EXOC4: variants seen among roughly 807,000 people sequenced by gnomAD.
The protein encoded by EXOC4 is exocyst complex component 4.
EXOC4 carries 71 observed loss-of-function variants against 107.2 expected under a neutral mutation model. That is an observed-to-expected ratio of 0.66 (90% CI 0.55 to 0.81). EXOC4 has a LOEUF of 0.81. Among genes scored for constraint, EXOC4 ranks in the 30% least tolerant of loss-of-function variants. EXOC4 has a pLI of 0.00. For missense variants in EXOC4, 1,108 were observed against 1,189.6 expected (o/e 0.93, Z 1.01); for synonymous variants, 456 against 441.2 (o/e 1.03, Z -0.42).
At chr7:133,720,413 T>G (rs1361573107) in intron 10 of EXOC4, among the ~76,000 whole-genome samples, 1 of 152,164 alleles carries the variant, frequency 6.6e-6, no homozygotes, top group Non-Finnish European at 1.5e-5. Flanking sequence ...AATTATGAGA[T>G]TGCAAGGCAT....
chr7:133,982,737 T>C (rs569341499), intron 14 of EXOC4, among the ~76,000 whole-genome samples: 2 of 152,306 alleles, frequency 1.3e-5, no homozygotes, highest in East Asian at 3.9e-4. Flanking sequence ...CTTTCACAAG[T>C]GGCAAATCTG....
chr7:133,631,069 A>AT (rs1423468830), intron 10 of EXOC4, among the ~76,000 whole-genome samples: 1 of 152,068 alleles, frequency 6.6e-6, no homozygotes, highest in African/African-American at 2.4e-5. Context: ...AATGTTATGT[A>AT]TTTTTTTACC....
At chr7:133,283,221 G>A (rs964810914) in intron 2 of EXOC4, among the ~76,000 whole-genome samples, 2 of 152,150 alleles carry the variant, frequency 1.3e-5, no homozygotes, top group African/African-American at 4.8e-5. Flanking sequence ...TCCCACCTCA[G>A]TCTCTCTGCT....
intron 5 of EXOC4, among the ~76,000 whole-genome samples, chr7:133,334,147 G>A (rs1414533305): frequency 6.6e-6 from 1 of 152,004 alleles, no homozygotes; most frequent in East Asian, 1.9e-4. Flanking sequence ...TTATTGTGGG[G>A]GTACATCGGA....
intron 9 of EXOC4, among the ~76,000 whole-genome samples, chr7:133,534,028 T>A (rs1471448990): frequency 6.6e-6 from 1 of 152,170 alleles, no homozygotes; most frequent in Non-Finnish European, 1.5e-5. Flanking sequence ...TGAGAATACC[T>A]CTTCTGAATA....
At chr7:133,257,453 CAG>C (rs1282477801) in intron 1 of EXOC4, among the ~76,000 whole-genome samples, 2 of 152,162 alleles carry the variant, frequency 1.3e-5, no homozygotes, top group African/African-American at 4.8e-5. Flanking sequence ...GGTGGGAAGT[CAG>C]AGGAGGCAGC....
At chr7:133,573,372 AGAAT>A (rs1296880573) in intron 9 of EXOC4, among the ~76,000 whole-genome samples, 1 of 152,154 alleles carries the variant, frequency 6.6e-6, no homozygotes, top group Non-Finnish European at 1.5e-5. Flanking sequence ...GCTACTTAGA[AGAAT>A]AGAGGAAGAA....
intron 15 of EXOC4, among the ~76,000 whole-genome samples, chr7:133,999,338 A>G (rs2116296705): frequency 6.6e-6 from 1 of 152,232 alleles, no homozygotes; most frequent in East Asian, 1.9e-4. Flanking sequence ...TGTGTGTGCT[A>G]CTTGCTTTTT....
At chr7:133,707,955 G>A (rs763230682) in intron 10 of EXOC4, among the ~76,000 whole-genome samples, 7 of 152,116 alleles carry the variant, frequency 4.6e-5, no homozygotes, top group Admixed American at 2.0e-4. Context: ...TGGTTATCAT[G>A]AGTGACAGTG....
intron 10 of EXOC4, among the ~76,000 whole-genome samples, chr7:133,723,122 A>T (rs567391017): frequency 1.3e-5 from 2 of 152,356 alleles, no homozygotes; most frequent in East Asian, 3.9e-4. Flanking sequence ...AGATGAGTGA[A>T]TATATTTGTG....
chr7:133,746,457 C>A (rs1455872633), intron 10 of EXOC4, among the ~76,000 whole-genome samples: 1 of 152,064 alleles, frequency 6.6e-6, no homozygotes, highest in Non-Finnish European at 1.5e-5. Flanking sequence ...TGTTAATTAT[C>A]CCAGTGCCAG....
At chr7:133,266,858 G>C (rs1793741264) in intron 1 of EXOC4, among the ~76,000 whole-genome samples, 1 of 152,172 alleles carries the variant, frequency 6.6e-6, no homozygotes, top group Admixed American at 6.6e-5. Context: ...TTTAGGACTA[G>C]TTCAAAATTT....
At chr7:133,844,074 GTTGAGGACC>G (rs1333813479) in intron 11 of EXOC4, among the ~76,000 whole-genome samples, 1 of 152,010 alleles carries the variant, frequency 6.6e-6, no homozygotes, top group Non-Finnish European at 1.5e-5. Context: ...CTAGTATTTT[GTTGAGGACC>G]TTGGCATCTA....
At chr7:134,097,039 G>T in the EXOC4 span, among the ~76,000 whole-genome samples, 1 of 151,922 alleles carries the variant, frequency 6.6e-6, no homozygotes, top group Non-Finnish European at 1.5e-5. Flanking sequence ...ATGGAATTAT[G>T]ATATATACAC....
chr7:133,608,669 C>T (rs2150994469), intron 9 of EXOC4, among the ~76,000 whole-genome samples: 1 of 150,530 alleles, frequency 6.6e-6, no homozygotes, highest in Middle Eastern at 3.4e-3. Context: ...CCTGCCCCAG[C>T]TCCTGAGTAG....
intron 10 of EXOC4, among the ~76,000 whole-genome samples, chr7:133,632,129 T>C (rs1802606568): frequency 6.6e-6 from 1 of 152,162 alleles, no homozygotes; most frequent in Non-Finnish European, 1.5e-5. Context: ...ATGCATTTTT[T>C]TGTAGAAGAC....
chr7:133,538,916 G>A (rs1800329361), intron 9 of EXOC4, among the ~76,000 whole-genome samples: 3 of 149,542 alleles, frequency 2.0e-5, no homozygotes, highest in Non-Finnish European at 4.5e-5. Context: ...AAGGAAGGAG[G>A]GAAGGAAGGA....
intron 17 of EXOC4, among the ~76,000 whole-genome samples, chr7:134,036,284 T>A (rs1486153486): frequency 6.6e-6 from 1 of 152,132 alleles, no homozygotes; most frequent in Non-Finnish European, 1.5e-5. Flanking sequence ...AGCTTATGTA[T>A]CATACCAAAA....
At position 133,480,001 on chromosome 7, in the gene EXOC4, C is replaced by G. The variant is rs775495749; in HGVS notation, c.1329-49C>G. ...ATGTGGAATACAGAGCTGGTCAGCA[C>G]TTAATTGGTTTACACCTGCTTGTCT... On this transcript the variant is annotated intron_variant, in intron 8 of 17. Coordinates refer to ENST00000253861, the MANE Select transcript of EXOC4 (RefSeq NM_021807.4). The G allele has an allele frequency of 6.2e-6, 9 of 1,460,366 alleles. No homozygotes were observed. The Admixed American group carries it at 1.3e-4, about 22-fold the overall frequency. 90.5% of individuals were successfully genotyped at this position (1,460,366 alleles called of 1,614,324 possible).
Sources: gnomAD v4.1 joint callset for allele counts (sites outside exome capture counted in the v4.1 genomes callset) on GRCh38, gnomAD v4.1.1 for gene constraint, MANE v1.5 for transcripts, NCBI Gene and HGNC (gene_info 2026-07-23, HGNC 2026-07-21) for gene names.